DEUP1: variants seen among roughly 807,000 people sequenced by gnomAD.
DEUP1 encodes coiled-coil domain containing 67.
DEUP1 carries 82 observed loss-of-function variants against 87.4 expected under a neutral mutation model. The ratio of observed to expected loss-of-function variants is 0.94; its 90% confidence interval spans 0.78 to 1.13. DEUP1 has a LOEUF of 1.13. DEUP1 is among the 50% of genes most tolerant of loss of function. The probability of loss-of-function intolerance (pLI) is 0.00; values close to 1 mark genes in which losing one functional copy is unlikely to be tolerated. For synonymous variants in DEUP1, 214 were observed against 222.7 expected (o/e 0.96, Z 0.35); for missense variants, 663 against 681.5 (o/e 0.97, Z 0.30).
chr11:93,435,880 C>T (rs1948231522), intron 13 of DEUP1, among the ~76,000 whole-genome samples: 1 of 151,830 alleles, frequency 6.6e-6, no homozygotes, highest in African/African-American at 2.4e-5. Context: ...CCTGTAGTCC[C>T]AGCTACTCGG....
intron 9 of DEUP1, 147 bp from the exon 10 acceptor site, chr11:93,394,312 T>G: frequency 1.9e-6 from 1 of 538,040 alleles, no homozygotes; most frequent in Non-Finnish European, 3.3e-6. Context: ...TATGTATCTG[T>G]TTTTAATTTA....
chr11:93,416,709 T>A (rs920862307), intron 13 of DEUP1, among the ~76,000 whole-genome samples: 1 of 151,808 alleles, frequency 6.6e-6, no homozygotes, highest in Non-Finnish European at 1.5e-5. Context: ...TACCAAAGCC[T>A]GGCAGAGACA....
chr11:93,418,262 A>G (rs1348247419), intron 13 of DEUP1, among the ~76,000 whole-genome samples: 1 of 152,138 alleles, frequency 6.6e-6, no homozygotes, highest in Non-Finnish European at 1.5e-5. Context: ...AAATGGGAGA[A>G]AATTTTCGCA....
intron 2 of DEUP1, chr11:93,352,366 C>CT: frequency 1.4e-6 from 1 of 702,494 alleles, no homozygotes; most frequent in Middle Eastern, 2.3e-4. Flanking sequence ...CTTACACCAG[C>CT]TCCCTGGAGA....
chr11:93,417,584 T>A (rs1391239709), intron 13 of DEUP1, among the ~76,000 whole-genome samples: 1 of 152,146 alleles, frequency 6.6e-6, no homozygotes, highest in African/African-American at 2.4e-5. Flanking sequence ...AGAATCAATA[T>A]CATGAAAATG....
chr11:93,359,982 C>T (rs1351585719), intron 4 of DEUP1, among the ~76,000 whole-genome samples: 1 of 152,112 alleles, frequency 6.6e-6, no homozygotes, highest in Non-Finnish European at 1.5e-5. Context: ...TGGACTTCTA[C>T]ACCTACCTGG....
intron 7 of DEUP1, among the ~76,000 whole-genome samples, chr11:93,383,030 G>C (rs1488423438): frequency 1.3e-5 from 2 of 152,012 alleles, no homozygotes; most frequent in East Asian, 3.8e-4. Flanking sequence ...TATATTTAAG[G>C]CTTGGTAAAA....
At chr11:93,405,286 C>CA (rs1285873196) in intron 11 of DEUP1, among the ~76,000 whole-genome samples, 1 of 151,882 alleles carries the variant, frequency 6.6e-6, no homozygotes, top group Non-Finnish European at 1.5e-5. Context: ...ATTTTTATCA[C>CA]AAATCTACTC....
intron 2 of DEUP1, among the ~76,000 whole-genome samples, chr11:93,335,829 T>C (rs1219212425): frequency 1.3e-5 from 2 of 152,162 alleles, no homozygotes; most frequent in Non-Finnish European, 2.9e-5. Context: ...GATTAACAAA[T>C]AGAGGCCAGG....
intron 13 of DEUP1, among the ~76,000 whole-genome samples, chr11:93,417,694 T>C (rs1332999558): frequency 6.9e-6 from 1 of 145,650 alleles, no homozygotes; most frequent in African/African-American, 2.6e-5. Flanking sequence ...AAAGTTCATA[T>C]GGAACCAAAA....
chr11:93,387,126 T>G (rs1213152405), intron 8 of DEUP1, among the ~76,000 whole-genome samples: 1 of 152,204 alleles, frequency 6.6e-6, no homozygotes, highest in East Asian at 1.9e-4. Context: ...TAGAATTCAG[T>G]TCTAGAATTC....
chr11:93,399,999 G>A (rs1278713953), intron 11 of DEUP1, among the ~76,000 whole-genome samples: 3 of 152,034 alleles, frequency 2.0e-5, no homozygotes, highest in Non-Finnish European at 4.4e-5. Context: ...ACTTAGAGTT[G>A]TTATTAAGAA....
intron 12 of DEUP1, among the ~76,000 whole-genome samples, chr11:93,412,253 A>C (rs1947457493): frequency 6.6e-6 from 1 of 152,234 alleles, no homozygotes; most frequent in Non-Finnish European, 1.5e-5. Context: ...CCAGCAAAGC[A>C]ACTGGGGCCT....
Position 93,399,926 on chromosome 11 carries a change from G to C in DEUP1, c.1326+3601G>C, listed in dbSNP as rs188102597. Among the ~76,000 whole-genome samples, 5 of 152,134 alleles carry C rather than the reference G, an allele frequency of 3.3e-5. 1 individual carries two copies. The highest frequency in any genetic ancestry group is 3.3e-4 in the Admixed American group (5 of 15,290). Reference sequence around the variant, plus strand: ...TTTGATTTTAAATGATGTGGTTTTAGAGTTTTCCTGTTTCATATATTTGTT... The same window carrying C: ...TTTGATTTTAAATGATGTGGTTTTACAGTTTTCCTGTTTCATATATTTGTT... On this transcript the variant is annotated intron_variant, in intron 11 of 13. Transcript: ENST00000298050.
chr11:93,365,593 G>T (rs951326007), intron 5 of DEUP1, among the ~76,000 whole-genome samples: 11 of 152,078 alleles, frequency 7.2e-5, no homozygotes, highest in Non-Finnish European at 1.6e-4. Context: ...GACAAAAAAA[G>T]CCTTAAGTTA....
Position 93,357,032 on chromosome 11 carries a change from C to G in DEUP1, c.286C>G (p.Leu96Val). ...TQNYEGQLQS[L>V]KAQFSKLTNN... ...GAATTATGAAGGACAACTACAAAGC[C>G]TAAAGGCTCAAGTAAGAAAACTTAT... is the stretch of plus-strand genomic sequence containing the variant. Residue 96 changes from leucine to valine, a missense_variant, in exon 4 of 14, where the codon CTA becomes GTA. Leu to Val is a conservative substitution (Grantham distance 32). Transcript: ENST00000298050. 1 of 1,567,640 alleles carries G rather than the reference C, an allele frequency of 6.4e-7. No individual in the cohort carries two copies. The highest frequency in any genetic ancestry group is 8.7e-7 in the Non-Finnish European group (1 of 1,155,590).
chr11:93,378,509 T>C (rs1946144611), intron 7 of DEUP1, among the ~76,000 whole-genome samples: 1 of 152,098 alleles, frequency 6.6e-6, no homozygotes, highest in African/African-American at 2.4e-5. Flanking sequence ...TTAAAGTTGG[T>C]ATTCACCTTT....
At chr11:93,397,668 C>T (rs1044677350) in intron 11 of DEUP1, among the ~76,000 whole-genome samples, 1 of 152,096 alleles carries the variant, frequency 6.6e-6, no homozygotes, top group Non-Finnish European at 1.5e-5. Context: ...TGATCCACAA[C>T]CCTATCCCAA....
At chr11:93,369,620 T>C (rs1410156593) in intron 5 of DEUP1, among the ~76,000 whole-genome samples, 2 of 152,180 alleles carry the variant, frequency 1.3e-5, no homozygotes, top group Non-Finnish European at 2.9e-5. Flanking sequence ...CTTTTGTTTG[T>C]TTTCCCTAAT....
Sources: allele counts gnomAD v4.1 joint callset (sites outside exome capture counted in the v4.1 genomes callset), GRCh38; gene constraint gnomAD v4.1.1; transcripts MANE v1.5; gene names NCBI Gene and HGNC (gene_info 2026-07-23, HGNC 2026-07-21).